The following NR2C1 variants were observed in gnomAD, a reference collection of about 807,000 sequenced individuals.
NR2C1 encodes the protein TR2 nuclear hormone receptor.
In NR2C1, 33 loss-of-function variants were observed where a neutral mutation model predicts 74.8. The observed-to-expected ratio is 0.44, with a 90% CI of 0.33 to 0.59. The LOEUF is 0.59. Among genes scored for constraint, NR2C1 ranks in the 20% least tolerant of loss-of-function variants. The pLI is 0.02. For missense variants in NR2C1, 568 were observed against 715.6 expected, an observed-to-expected ratio of 0.79 and a Z score of 2.35; for synonymous variants, 225 against 240.6, an observed-to-expected ratio of 0.94 and a Z score of 0.60.
intron 2 of NR2C1, among the ~76,000 whole-genome samples, chr12:95,066,314 C>A (rs924010240): frequency 1.4e-4 from 22 of 152,216 alleles, no homozygotes; most frequent in Middle Eastern, 6.8e-3. Flanking sequence ...CCAGCCTGGG[C>A]AACATGACAA....
chr12:95,028,736 TCTC>T (rs1869682924), intron 11 of NR2C1, among the ~76,000 whole-genome samples: 1 of 151,962 alleles, frequency 6.6e-6, no homozygotes, highest in Admixed American at 6.6e-5. Flanking sequence ...CTCAAGCAGT[TCTC>T]CTGCCTCAGC....
In NR2C1 at chr12:95,062,458, A is replaced by T. The variant is rs12319201; in HGVS notation, c.285+50T>A. ...CTTCATGGCAGGGCTTATGATTAAA[A>T]TTTTTTTTTTATATATGTAAGAGGA... On this transcript the variant is annotated intron_variant, in intron 3 of 13. Coordinates refer to ENST00000333003, the MANE Select transcript of NR2C1 (RefSeq NM_003297.4). The T allele has an allele frequency of 2.2e-3, 2,620 of 1,206,080 alleles. 36 individuals are homozygous for T. The African/African-American group carries it at 0.032, about 15-fold the overall frequency. The allele number at this position is 1,206,080 out of a possible 1,614,324, so 74.7% of individuals were successfully genotyped here. A position where few individuals can be genotyped will look rare whatever the true frequency, so the allele number is the denominator to read the frequency against.
intron 9 of NR2C1, among the ~76,000 whole-genome samples, chr12:95,045,492 A>G (rs1373282983): frequency 1.3e-5 from 2 of 152,196 alleles, no homozygotes; most frequent in Admixed American, 6.5e-5. Flanking sequence ...AAGGAATTTT[A>G]AAAGGCCTAA....
At chr12:95,056,327 G>T (rs918238629) in intron 7 of NR2C1, among the ~76,000 whole-genome samples, 7 of 152,184 alleles carry the variant, frequency 4.6e-5, no homozygotes, top group African/African-American at 1.7e-4. Flanking sequence ...TCTGTTTTCA[G>T]ATATGAGTTT....
intron 3 of NR2C1, among the ~76,000 whole-genome samples, chr12:95,060,667 A>G (rs1019397444): frequency 6.6e-6 from 1 of 152,210 alleles, no homozygotes; most frequent in Admixed American, 6.5e-5. Flanking sequence ...AAACAAAACA[A>G]AACAAAACAA....
chr12:95,038,436 G>A (rs1415451277), intron 10 of NR2C1, among the ~76,000 whole-genome samples: 1 of 152,192 alleles, frequency 6.6e-6, no homozygotes, highest in East Asian at 1.9e-4. Flanking sequence ...GTTACAAGAT[G>A]AGTGAACTAC....
chr12:95,047,923 G>C (rs141037866), intron 9 of NR2C1, among the ~76,000 whole-genome samples: 164 of 152,236 alleles, frequency 1.1e-3, no homozygotes, highest in African/African-American at 3.9e-3. Flanking sequence ...AATAAATTAG[G>C]TTGGTGAAAA....
intron 9 of NR2C1, among the ~76,000 whole-genome samples, chr12:95,043,171 G>A (rs1303457282): frequency 2.0e-5 from 3 of 152,128 alleles, no homozygotes; most frequent in Admixed American, 2.0e-4. Context: ...TGAGGCAGAA[G>A]GATCCCTTTA....
At chr12:95,040,101 T>A (rs1871325465) in intron 10 of NR2C1, among the ~76,000 whole-genome samples, 1 of 152,048 alleles carries the variant, frequency 6.6e-6, no homozygotes, top group Non-Finnish European at 1.5e-5. Context: ...TTTAGTAACA[T>A]GCCTGGGATG....
chr12:95,069,181 T>C (rs946770982), intron 1 of NR2C1, among the ~76,000 whole-genome samples: 2 of 152,124 alleles, frequency 1.3e-5, no homozygotes, highest in African/African-American at 4.8e-5. Flanking sequence ...AGAAATCTCT[T>C]CCAGAAATCC....
At chr12:95,026,207 C>CAAAAAAA (rs757466478) in intron 12 of NR2C1, among the ~76,000 whole-genome samples, 1 of 98,732 alleles carries the variant, frequency 1.0e-5, no homozygotes, top group African/African-American at 3.6e-5. Flanking sequence ...ACTCCGTCTC[C>CAAAAAAA]AAAAAAAAAA....
rs1324505490 is a variant in NR2C1 at position 95,022,282 on chromosome 12, A to G, written c.1759T>C (p.Leu587=). The G allele has an allele frequency of 6.2e-7, 1 of 1,611,756 alleles. No individual in the cohort carries two copies. The highest frequency in any genetic ancestry group is 8.5e-7 in the Non-Finnish European group (1 of 1,179,516). The change falls in exon 14 of 14, where the codon TTG becomes CTG. Residue 587 remains leucine, a synonymous_variant. Transcript: ENST00000333003. The part of the protein sequence containing the change: ...IRIDSVIPHI[L]KMEPADYNSQ... ...TTATAATCTGCAGGCTCCATTTTCA[A>G]AATATGTGGGATAACACTGTCAATT...
intron 7 of NR2C1, among the ~76,000 whole-genome samples, chr12:95,053,824 C>CA (rs1441029005): frequency 6.6e-6 from 1 of 151,932 alleles, no homozygotes; most frequent in Admixed American, 6.6e-5. Flanking sequence ...GCTGGGACTA[C>CA]AGGCGCCCGC....
intron 2 of NR2C1, 125 bp from the exon 3 acceptor site, chr12:95,062,863 G>T (rs140537923): frequency 8.6e-5 from 59 of 684,802 alleles, no homozygotes; most frequent in African/African-American, 1.4e-4. Context: ...TTAAACTACC[G>T]ATTCTATTGC....
At chr12:95,039,518 C>T (rs1871246429) in intron 10 of NR2C1, among the ~76,000 whole-genome samples, 1 of 152,196 alleles carries the variant, frequency 6.6e-6, no homozygotes, top group Non-Finnish European at 1.5e-5. Context: ...TGCCTTTAGA[C>T]ACACCAGTTA....
At chr12:95,050,348 G>A (rs754325610) in intron 8 of NR2C1, among the ~76,000 whole-genome samples, 8 of 151,928 alleles carry the variant, frequency 5.3e-5, no homozygotes, top group Non-Finnish European at 7.4e-5. Context: ...TCGTTTTGTC[G>A]CCCAGGCTAG....
intron 8 of NR2C1, among the ~76,000 whole-genome samples, chr12:95,051,234 A>T (rs1872958232): frequency 1.3e-5 from 2 of 152,082 alleles, no homozygotes; most frequent in South Asian, 4.1e-4. Context: ...TTCACACCTG[A>T]CCTCTCATGA....
intron 7 of NR2C1, among the ~76,000 whole-genome samples, chr12:95,055,666 G>C (rs1873723052): frequency 6.6e-6 from 1 of 151,938 alleles, no homozygotes; most frequent in African/African-American, 2.4e-5. Context: ...TATAAAATCA[G>C]ATCCCGGCCG....
chr12:95,059,611 C>T (rs936690538), intron 4 of NR2C1, among the ~76,000 whole-genome samples: 5 of 151,882 alleles, frequency 3.3e-5, no homozygotes, highest in African/African-American at 4.8e-5. Context: ...CTTGGGAGGC[C>T]GAGGCAGGAG....
Sources: gnomAD v4.1 joint callset for allele counts (sites outside exome capture counted in the v4.1 genomes callset) on GRCh38, gnomAD v4.1.1 for gene constraint, MANE v1.5 for transcripts, NCBI Gene and HGNC (gene_info 2026-07-23, HGNC 2026-07-21) for gene names.